The following CDC14A variants were observed in gnomAD, a reference collection of about 807,000 sequenced individuals.
CDC14A encodes cell division cycle 14A, also known as dual specificity protein phosphatase CDC14A.
CDC14A carries 53 observed loss-of-function variants against 74.4 expected under a neutral mutation model. That is an observed-to-expected ratio of 0.71 (90% CI 0.57 to 0.89). The LOEUF (loss-of-function observed/expected upper bound fraction) is 0.89, where lower values mean the gene tolerates loss of function less well. Among genes scored for constraint, CDC14A ranks in the 40% least tolerant of loss-of-function variants. CDC14A has a pLI of 0.00. For synonymous variants in CDC14A, 247 were observed against 258.4 expected (o/e 0.96, Z 0.43); for missense variants, 646 against 713.7 (o/e 0.91, Z 1.08).
At chr1:100,469,129 T>C (rs1668138701) in intron 10 of CDC14A, among the ~76,000 whole-genome samples, 1 of 152,192 alleles carries the variant, frequency 6.6e-6, no homozygotes, top group Admixed American at 6.6e-5. Flanking sequence ...TAATTATTCC[T>C]TTCCAGTTTT....
At chr1:100,486,035 A>G (rs952920144) in intron 11 of CDC14A, 4 of 152,206 alleles carry the variant, frequency 2.6e-5, no homozygotes, top group African/African-American at 9.7e-5. Context: ...GAGCAAATAA[A>G]AAGAAAGGGT....
chr1:100,356,197 T>C (rs1028741215), intron 2 of CDC14A, among the ~76,000 whole-genome samples: 3 of 152,220 alleles, frequency 2.0e-5, no homozygotes, highest in African/African-American at 4.8e-5. Context: ...GCAGTTTCTT[T>C]GGTACACCAT....
chr1:100,449,845 GA>G (rs1665950204), intron 7 of CDC14A, among the ~76,000 whole-genome samples: 2 of 152,166 alleles, frequency 1.3e-5, no homozygotes, highest in Admixed American at 1.3e-4. Context: ...CACATTTCAA[GA>G]TATTTTATAT....
At chr1:100,428,570 G>T (rs983987614) in intron 5 of CDC14A, among the ~76,000 whole-genome samples, 1 of 152,090 alleles carries the variant, frequency 6.6e-6, no homozygotes, top group Admixed American at 6.6e-5. Flanking sequence ...AAATTATAGT[G>T]TATACTATTG....
intron 7 of CDC14A, among the ~76,000 whole-genome samples, chr1:100,443,595 A>G (rs2101135377): frequency 6.6e-6 from 1 of 152,040 alleles, no homozygotes; most frequent in African/African-American, 2.4e-5. Context: ...TCGGCCTCCC[A>G]AAGTGCTGGG....
intron 2 of CDC14A, among the ~76,000 whole-genome samples, chr1:100,372,690 A>G (rs1339324693): frequency 6.6e-6 from 1 of 152,198 alleles, no homozygotes; most frequent in East Asian, 1.9e-4. Context: ...CATCACTGAC[A>G]TCTTAAACCC....
intron 9 of CDC14A, among the ~76,000 whole-genome samples, chr1:100,465,939 C>T (rs374843940): frequency 1.2e-4 from 18 of 152,284 alleles, no homozygotes; most frequent in African/African-American, 3.8e-4. Context: ...CCTTTAATTA[C>T]AAATGCTTAA....
intron 15 of CDC14A, among the ~76,000 whole-genome samples, chr1:100,500,214 G>C (rs1648539217): frequency 6.6e-6 from 1 of 152,140 alleles, no homozygotes; most frequent in Admixed American, 6.5e-5. Context: ...ATACAGTGTT[G>C]CAACACTGAT....
intron 7 of CDC14A, among the ~76,000 whole-genome samples, chr1:100,454,717 T>G (rs17122552): frequency 6.6e-6 from 1 of 151,602 alleles, no homozygotes; most frequent in African/African-American, 2.4e-5. Flanking sequence ...AAAAAGAGAG[T>G]TTTCACATGA....
intron 15 of CDC14A, among the ~76,000 whole-genome samples, chr1:100,501,983 G>C (rs1032715844): frequency 6.6e-6 from 1 of 152,166 alleles, no homozygotes; most frequent in African/African-American, 2.4e-5. Flanking sequence ...TATTTTAAGT[G>C]TTAATTTCAA....
chr1:100,451,190 TC>T (rs1649415351), intron 7 of CDC14A, among the ~76,000 whole-genome samples: 1 of 152,186 alleles, frequency 6.6e-6, no homozygotes, highest in African/African-American at 2.4e-5. Flanking sequence ...CTCCAAATCA[TC>T]TTTGCGTCTT....
At position 100,440,385 on chromosome 1, in the gene CDC14A, CA is replaced by C. The variant is rs566388440; in HGVS notation, c.456+392del. Among the ~76,000 whole-genome samples the C allele has an allele frequency of 2.4e-3, 370 of 152,194 alleles. 1 individual carries two copies. Among genetic ancestry groups the C allele is most frequent in the African/African-American group, 8.0e-3 (333 of 41,516 alleles). On this transcript the variant is annotated intron_variant, in intron 6 of 15. Coordinates refer to ENST00000336454, the MANE Select transcript of CDC14A (RefSeq NM_003672.4). ...TGGTCCCACCCCAGACCCACTAAAA[CA>C]AAAACTCTGGGGGTGGAGCCCTGCG... is the stretch of plus-strand genomic sequence containing the variant.
chr1:100,430,126 T>G (rs1475276790), intron 5 of CDC14A, among the ~76,000 whole-genome samples: 1 of 152,206 alleles, frequency 6.6e-6, no homozygotes, highest in Admixed American at 6.5e-5. Flanking sequence ...TATTTCCTGA[T>G]CCACACCTGT....
At chr1:100,446,017 T>A (rs1290991950) in intron 7 of CDC14A, among the ~76,000 whole-genome samples, 1 of 152,220 alleles carries the variant, frequency 6.6e-6, no homozygotes, top group Non-Finnish European at 1.5e-5. Flanking sequence ...TCATTTCCTG[T>A]CAGATTTCTC....
intron 8 of CDC14A, 112 bp from the exon 9 acceptor site, chr1:100,462,539 T>C (rs1667411597): frequency 2.1e-5 from 17 of 808,740 alleles, no homozygotes; most frequent in Non-Finnish European, 3.4e-5. Flanking sequence ...ACAACACACT[T>C]TCCTCCCAAG....
chr1:100,360,062 C>T (rs1396138385), intron 2 of CDC14A, among the ~76,000 whole-genome samples: 1 of 150,690 alleles, frequency 6.6e-6, no homozygotes, highest in East Asian at 1.9e-4. Flanking sequence ...CGTGCCTCAG[C>T]CTCCTGAGTA....
At chr1:100,446,391 GT>G (rs2084837808) in intron 7 of CDC14A, among the ~76,000 whole-genome samples, 1 of 152,210 alleles carries the variant, frequency 6.6e-6, no homozygotes, top group South Asian at 2.1e-4. Context: ...TCAACAGAAT[GT>G]GGGAAATGCT....
intron 3 of CDC14A, among the ~76,000 whole-genome samples, chr1:100,390,156 G>T (rs766505200): frequency 2.6e-5 from 4 of 152,112 alleles, no homozygotes; most frequent in Non-Finnish European, 5.9e-5. Context: ...ATTGTAATGT[G>T]TTGTATTAAG....
rs917484852 is a variant in CDC14A at position 100,410,223 on chromosome 1, G to GA, written c.310-13990dup. Among the ~76,000 whole-genome samples, 139 of 149,140 alleles carry GA rather than the reference G, an allele frequency of 9.3e-4. 1 individual carries two copies. Among genetic ancestry groups the GA allele is most frequent in the Non-Finnish European group, 1.6e-3 (104 of 66,966 alleles). On this transcript the variant is annotated intron_variant, in intron 4 of 15. Transcript: ENST00000336454. ...TAAGACTCTGGCTAAAAAAAAAAAA[G>GA]AAAAAAAAATTTTTATTTTAGTTTT...
Sources: gnomAD v4.1 joint callset for allele counts (sites outside exome capture counted in the v4.1 genomes callset) on GRCh38, gnomAD v4.1.1 for gene constraint, MANE v1.5 for transcripts, NCBI Gene and HGNC (gene_info 2026-07-23, HGNC 2026-07-21) for gene names.